The following ZBTB46 variants were observed in gnomAD, a reference collection of about 807,000 sequenced individuals.
ZBTB46 encodes the protein zinc finger and BTB domain containing 46, also known as zinc finger and BTB domain-containing protein 46.
ZBTB46 carries 8 observed loss-of-function variants against 44.1 expected under a neutral mutation model. That is an observed-to-expected ratio of 0.18 (90% CI 0.11 to 0.33). The LOEUF is 0.33. ZBTB46 is among the 10% of genes least tolerant of loss of function. ZBTB46 has a pLI of 1.00. For synonymous variants in ZBTB46, 409 were observed against 382.3 expected (o/e 1.07, Z -0.81); for missense variants, 651 against 847.7 (o/e 0.77, Z 2.88).
chr20:63,785,591 T>G (rs1398709476), intron 2 of ZBTB46, among the ~76,000 whole-genome samples: 1 of 152,152 alleles, frequency 6.6e-6, no homozygotes, highest in Admixed American at 6.6e-5. Context: ...GGGCCTTTGC[T>G]TCTATAAATG....
chr20:63,796,854 T>C (rs1251106180), intron 1 of ZBTB46, among the ~76,000 whole-genome samples: 1 of 151,686 alleles, frequency 6.6e-6, no homozygotes, highest in Admixed American at 6.6e-5. Flanking sequence ...AAAAATAAAA[T>C]AAAATAAAAT....
At chr20:63,795,794 G>C (rs559154162) in intron 1 of ZBTB46, among the ~76,000 whole-genome samples, 20 of 152,310 alleles carry the variant, frequency 1.3e-4, no homozygotes, top group Non-Finnish European at 1.5e-5. Flanking sequence ...CTCCTCCCTG[G>C]GTCAGCTGGA....
At chr20:63,762,325 T>C (rs2092284119) in intron 3 of ZBTB46, among the ~76,000 whole-genome samples, 1 of 152,180 alleles carries the variant, frequency 6.6e-6, no homozygotes, top group Non-Finnish European at 1.5e-5. Context: ...TTATCTCTTT[T>C]TTTAGTTCTG....
intron 3 of ZBTB46, among the ~76,000 whole-genome samples, chr20:63,760,367 A>C (rs1401968042): frequency 6.6e-6 from 1 of 152,124 alleles, no homozygotes; most frequent in Non-Finnish European, 1.5e-5. Context: ...GAATTTTCCC[A>C]TTTCCTCCAA....
intron 1 of ZBTB46, among the ~76,000 whole-genome samples, chr20:63,800,295 G>C (rs1204233825): frequency 1.3e-5 from 2 of 152,226 alleles, no homozygotes; most frequent in Non-Finnish European, 2.9e-5. Context: ...GACAACAGAA[G>C]TGAGTCCACA....
In ZBTB46 at chr20:63,802,105, C is replaced by T. The variant is rs200078748; in HGVS notation, c.-33-11315G>A. ...AATTCCACCTTATTTGGAAATAGGT[C>T]ATTGCAGATGCAATTAATTAAGATG... On this transcript the variant is annotated intron_variant, in intron 1 of 4. Coordinates refer to ENST00000245663, the MANE Select transcript of ZBTB46 (RefSeq NM_001369741.1). 4.5e-4 allele frequency among the ~76,000 whole-genome samples: 68 copies of T among 152,180 alleles called. 1 individual carries two copies. The East Asian group carries it at 9.1e-3, about 20-fold the overall frequency.
intron 1 of ZBTB46, among the ~76,000 whole-genome samples, chr20:63,805,897 C>G (rs2146003173): frequency 6.6e-6 from 1 of 152,090 alleles, no homozygotes; most frequent in East Asian, 2.0e-4. Flanking sequence ...CTCGGCCTCC[C>G]CAGTAGCTGG....
intron 2 of ZBTB46, among the ~76,000 whole-genome samples, chr20:63,782,295 C>T (rs1220333748): frequency 6.6e-6 from 1 of 151,922 alleles, no homozygotes; most frequent in African/African-American, 2.4e-5. Flanking sequence ...CCACGTGGGC[C>T]CTAAACGGAC....
At position 63,803,443 on chromosome 20, in the gene ZBTB46, T is replaced by C. The variant is rs1446001789; in HGVS notation, c.-33-12653A>G. ...TTCGACAGCGAGACCGGTGGTACTA[T>C]CCACATCATCTCCAGTGAGCAAGTG... On this transcript the variant is annotated intron_variant, in intron 1 of 4. Coordinates refer to ENST00000245663, the MANE Select transcript of ZBTB46 (RefSeq NM_001369741.1). This position sits in a 1 kb window ranked among gnomAD's most constrained non-coding sequence, Gnocchi z 4.0. 3 of 985,240 alleles carry C rather than the reference T, an allele frequency of 3.0e-6. No individual in the cohort carries two copies. Among genetic ancestry groups the C allele is most frequent in the Admixed American group, 1.2e-4 (2 of 16,260 alleles). 61.0% of individuals were successfully genotyped at this position (985,240 alleles called of 1,614,324 possible).
chr20:63,797,940 A>C (rs138521776), intron 1 of ZBTB46, among the ~76,000 whole-genome samples: 2 of 152,260 alleles, frequency 1.3e-5, no homozygotes, highest in African/African-American at 4.8e-5. Flanking sequence ...ATTTCCTCCG[A>C]TTCTGTAGGT....
chr20:63,771,502 C>T (rs1477447016), intron 3 of ZBTB46, among the ~76,000 whole-genome samples: 4 of 152,172 alleles, frequency 2.6e-5, no homozygotes, highest in Non-Finnish European at 1.5e-5. Context: ...CGGCGTCAGA[C>T]CCCGGGGCTC....
intron 3 of ZBTB46, among the ~76,000 whole-genome samples, chr20:63,763,793 T>C (rs1169126114): frequency 6.6e-6 from 1 of 152,212 alleles, no homozygotes; most frequent in East Asian, 1.9e-4. Flanking sequence ...CCTGTGACTA[T>C]AAAGAGTCAG....
chr20:63,829,319 A>G (rs1295722278), intron 1 of ZBTB46, among the ~76,000 whole-genome samples: 2 of 152,240 alleles, frequency 1.3e-5, no homozygotes, highest in Non-Finnish European at 2.9e-5. Flanking sequence ...CCGAACAGAA[A>G]TCACCTCATC....
At chr20:63,829,666 C>T in intron 1 of ZBTB46, among the ~76,000 whole-genome samples, 1 of 152,246 alleles carries the variant, frequency 6.6e-6, no homozygotes, top group East Asian at 1.9e-4. Context: ...ACGTAAAACA[C>T]ACCGAGCAGA....
chr20:63,747,540 G>T (rs1260509906), intron 4 of ZBTB46, among the ~76,000 whole-genome samples: 1 of 131,252 alleles, frequency 7.6e-6, no homozygotes, highest in Non-Finnish European at 1.7e-5. Context: ...GGTGGGTGGG[G>T]GGGGTGCGGG....
intron 1 of ZBTB46, among the ~76,000 whole-genome samples, chr20:63,808,869 C>T (rs2092699492): frequency 6.7e-6 from 1 of 148,646 alleles, no homozygotes; most frequent in Non-Finnish European, 1.5e-5. Context: ...CCCAGCTACT[C>T]GGGAGGCTGA....
At chr20:63,801,765 A>G (rs1456954180) in intron 1 of ZBTB46, among the ~76,000 whole-genome samples, 1 of 152,128 alleles carries the variant, frequency 6.6e-6, no homozygotes, top group Non-Finnish European at 1.5e-5. Context: ...ACTCACCGCG[A>G]GAGTCCATGG....
rs2092662175 is a variant in ZBTB46, at chr20:63,803,451, A to G, written c.-33-12661T>C. The G allele has an allele frequency of 2.0e-6, 2 of 985,268 alleles. No individual in the cohort carries two copies. The highest frequency in any genetic ancestry group is 3.5e-5 in the African/African-American group (2 of 57,230). 61.0% of individuals were successfully genotyped at this position (985,268 alleles called of 1,614,324 possible). A position where few individuals can be genotyped will look rare whatever the true frequency, so the allele number is the denominator to read the frequency against. ...CGAGACCGGTGGTACTATCCACATC[A>G]TCTCCAGTGAGCAAGTGGGTGCTGG... On this transcript the variant is annotated intron_variant, in intron 1 of 4. Transcript: ENST00000245663. This position sits in a 1 kb window ranked among gnomAD's most constrained non-coding sequence, Gnocchi z 4.0.
intron 1 of ZBTB46, among the ~76,000 whole-genome samples, chr20:63,796,823 C>A (rs2092607499): frequency 6.6e-6 from 1 of 151,746 alleles, no homozygotes; most frequent in Non-Finnish European, 1.5e-5. Context: ...AAGACTCCAT[C>A]TCAAAAAAAT....
Sources: allele counts gnomAD v4.1 joint callset (sites outside exome capture counted in the v4.1 genomes callset), GRCh38; gene constraint gnomAD v4.1.1; non-coding constraint Gnocchi (gnomAD v3.1); transcripts MANE v1.5; gene names NCBI Gene and HGNC (gene_info 2026-07-23, HGNC 2026-07-21).